TEX11: variants seen among roughly 807,000 people sequenced by gnomAD.
TEX11 encodes testis-expressed protein 11.
TEX11 carries 7 observed loss-of-function variants against 84.4 expected under a neutral mutation model. The observed-to-expected ratio is 0.08, with a 90% CI of 0.05 to 0.16. The LOEUF (loss-of-function observed/expected upper bound fraction) is 0.16, where lower values mean the gene tolerates loss of function less well. Ranked by LOEUF, TEX11 falls within the 10% of genes least tolerant of loss-of-function variation. The pLI, the probability that TEX11 is intolerant of heterozygous loss-of-function variation, is 1.00. For missense variants in TEX11, 551 were observed against 660.5 expected (o/e 0.83, Z 1.82); for synonymous variants, 264 against 222.8 (o/e 1.18, Z -1.64).
At chrX:70,896,452 A>G (rs1344488233) in intron 2 of TEX11, among the ~76,000 whole-genome samples, 5 of 111,868 alleles carry the variant, frequency 4.5e-5, no homozygotes, top group Non-Finnish European at 7.5e-5. Flanking sequence ...ATTGTGGAAG[A>G]CAATGTGGCA....
intron 25 of TEX11, among the ~76,000 whole-genome samples, chrX:70,563,435 AG>A (rs1260810693): frequency 1.8e-5 from 2 of 112,096 alleles, no homozygotes; most frequent in African/African-American, 3.2e-5. Context: ...AAGCATATAA[AG>A]GGTTTACAAC....
intron 4 of TEX11, among the ~76,000 whole-genome samples, chrX:70,870,819 C>T (rs2091625846): frequency 8.9e-6 from 1 of 111,945 alleles, no homozygotes; most frequent in Non-Finnish European, 1.9e-5. Context: ...TATAGACATG[C>T]CCAGGTTTCA....
At chrX:70,750,933 A>AAATATATATATATAT (rs1390175136) in intron 9 of TEX11, among the ~76,000 whole-genome samples, 26 of 28,190 alleles carry the variant, frequency 9.2e-4, no homozygotes, top group East Asian at 1.8e-3. Context: ...AAAAAAAAAA[A>AAATATATATATATAT]ATATATATAT....
chrX:70,706,640 T>A (rs1177902472), intron 13 of TEX11, among the ~76,000 whole-genome samples: 3 of 111,123 alleles, frequency 2.7e-5, no homozygotes, highest in African/African-American at 6.5e-5. Context: ...TTTGAGCTTA[T>A]CTTCCCCATT....
chrX:70,907,902 T>C, intron 1 of TEX11, 92 bp from the exon 2 acceptor site: 1 of 597,094 alleles, frequency 1.7e-6, no homozygotes. Flanking sequence ...TTACTTGTTA[T>C]CCAAAGGGAG....
intron 17 of TEX11, among the ~76,000 whole-genome samples, chrX:70,630,989 A>G (rs988937552): frequency 8.9e-6 from 1 of 112,427 alleles, no homozygotes; most frequent in African/African-American, 3.2e-5. Context: ...TATGCACCCA[A>G]TAAAATTTCA....
chrX:70,730,564 A>G (rs2090639626), intron 11 of TEX11, among the ~76,000 whole-genome samples: 1 of 112,221 alleles, frequency 8.9e-6, no homozygotes, highest in African/African-American at 3.2e-5. Flanking sequence ...GAAGGCCATT[A>G]CATAATGGTA....
intron 11 of TEX11, among the ~76,000 whole-genome samples, chrX:70,727,748 G>A (rs1211320046): frequency 9.1e-6 from 1 of 110,405 alleles, no homozygotes; most frequent in East Asian, 2.9e-4. Flanking sequence ...TGAGAGAGAT[G>A]AGAGATGATC....
At chrX:70,885,497 G>C (rs1323910724) in intron 2 of TEX11, among the ~76,000 whole-genome samples, 1 of 111,333 alleles carries the variant, frequency 9.0e-6, no homozygotes, top group African/African-American at 3.3e-5. Context: ...CAGGTATATG[G>C]AAAAAATCTC....
intron 18 of TEX11, among the ~76,000 whole-genome samples, chrX:70,627,976 C>T (rs996712149): frequency 1.8e-5 from 2 of 111,372 alleles, no homozygotes; most frequent in Non-Finnish European, 3.8e-5. Flanking sequence ...TGCCTGTAAT[C>T]CCAGCACTTT....
intron 13 of TEX11, among the ~76,000 whole-genome samples, chrX:70,715,234 T>C (rs1193677165): frequency 9.2e-6 from 1 of 108,988 alleles, no homozygotes; most frequent in Non-Finnish European, 1.9e-5. Flanking sequence ...CATTTTTTCC[T>C]TCATTTCAAC....
intron 9 of TEX11, among the ~76,000 whole-genome samples, chrX:70,763,070 A>G (rs1182871335): frequency 8.9e-6 from 1 of 112,081 alleles, no homozygotes; most frequent in Admixed American, 9.5e-5. Context: ...ATCTAAAATT[A>G]GAACTACCAT....
rs534298719 is a variant in TEX11 at position 70,720,219 on chromosome X, G to A, written c.1004+2399C>T. ...AAAGGATGAGTCCCTGTCCTATGTAGGGACATGGATGAAGCTGGAAACCAT... is the reference window on the plus strand; with the variant it reads ...AAAGGATGAGTCCCTGTCCTATGTAAGGACATGGATGAAGCTGGAAACCAT... On this transcript the variant is annotated intron_variant, in intron 13 of 29. Transcript: ENST00000374333. 5.7e-4 allele frequency among the ~76,000 whole-genome samples: 64 copies of A among 111,519 alleles called. No homozygotes were observed. In the South Asian group the frequency reaches 0.024, roughly 42 times the overall value.
chrX:70,540,781 C>T (rs2088032990), intron 28 of TEX11, among the ~76,000 whole-genome samples: 1 of 111,874 alleles, frequency 8.9e-6, no homozygotes, highest in African/African-American at 3.2e-5. Context: ...TCAGCTCTTC[C>T]TGGGGAGCCT....
chrX:70,739,948 C>T (rs777551464), intron 11 of TEX11, among the ~76,000 whole-genome samples: 2 of 111,610 alleles, frequency 1.8e-5, no homozygotes, highest in Admixed American at 9.6e-5. Context: ...TGTGTCACCA[C>T]GCCCGCTTTG....
chrX:70,656,132 T>TATATAC (rs34194182), intron 16 of TEX11, among the ~76,000 whole-genome samples: 1 of 108,458 alleles, frequency 9.2e-6, no homozygotes, highest in East Asian at 2.9e-4. Context: ...TATATATATA[T>TATATAC]GCCATATGAG....
intron 8 of TEX11, among the ~76,000 whole-genome samples, chrX:70,809,743 C>A (rs998409534): frequency 9.0e-6 from 1 of 110,802 alleles, no homozygotes; most frequent in African/African-American, 3.3e-5. Flanking sequence ...GTCGCCCAGG[C>A]TGGAGTGCAG....
chrX:70,562,328 C>T (rs912940975), intron 25 of TEX11, among the ~76,000 whole-genome samples: 1 of 111,052 alleles, frequency 9.0e-6, no homozygotes, highest in Non-Finnish European at 1.9e-5. Flanking sequence ...CATTTTTTCC[C>T]GTAAGCCCTG....
intron 20 of TEX11, among the ~76,000 whole-genome samples, chrX:70,616,387 G>A (rs192125280): frequency 9.0e-6 from 1 of 111,281 alleles, no homozygotes; most frequent in Admixed American, 9.6e-5. Flanking sequence ...TTAAAATAAT[G>A]GGTTAAAAGA....
Sources: allele counts gnomAD v4.1 joint callset (sites outside exome capture counted in the v4.1 genomes callset), GRCh38; gene constraint gnomAD v4.1.1; transcripts MANE v1.5; gene names NCBI Gene and HGNC (gene_info 2026-07-23, HGNC 2026-07-21).